GFRA2: variants seen among roughly 807,000 people sequenced by gnomAD.
The protein encoded by GFRA2 is GDNF family receptor alpha 2.
Under a neutral mutation model 48.3 loss-of-function variants are expected in GFRA2, and 17 were observed. That is an observed-to-expected ratio of 0.35 (90% confidence interval 0.24 to 0.53). The LOEUF is 0.53. Ranked by LOEUF, GFRA2 falls within the 20% of genes least tolerant of loss-of-function variation. The pLI is 0.93. For missense variants in GFRA2, 660 were observed against 637.3 expected (o/e 1.04, Z -0.38); for synonymous variants, 305 against 257.2 (o/e 1.19, Z -1.78).
At chr8:21,795,245 T>C (rs944692003) in intron 2 of GFRA2, among the ~76,000 whole-genome samples, 1 of 152,190 alleles carries the variant, frequency 6.6e-6, no homozygotes. Flanking sequence ...TTCCCGGCTG[T>C]ACAAAGCATC....
At position 21,691,677 on chromosome 8, in the gene GFRA2, G is replaced by T. The variant is rs1801887432; in HGVS notation, c.*1601C>A. ...TCCCAACGTGTGATGCCAAGCTGTGGCTCCCCACCACGTCCACGTCCACTG... is the reference window on the plus strand; with the variant it reads ...TCCCAACGTGTGATGCCAAGCTGTGTCTCCCCACCACGTCCACGTCCACTG... On this transcript the variant is annotated 3_prime_UTR_variant, in exon 9 of 9. Coordinates refer to ENST00000524240, the MANE Select transcript of GFRA2 (RefSeq NM_001495.5). 6.6e-6 allele frequency: 1 copy of T among 152,228 alleles called. No individual in the cohort carries two copies. Among genetic ancestry groups the T allele is most frequent in the African/African-American group, 2.4e-5 (1 of 41,444 alleles). 9.4% of individuals were successfully genotyped at this position (152,228 alleles called of 1,614,324 possible).
upstream of GFRA2, chr8:21,789,253 C>G (rs1460687889): frequency 6.5e-6 from 1 of 153,672 alleles, no homozygotes; most frequent in Admixed American, 6.5e-5. Flanking sequence ...CCGGCTACGG[C>G]TCGGGCTCGA....
chr8:21,759,765 T>A (rs58887006), intron 3 of GFRA2, among the ~76,000 whole-genome samples: 7,128 of 151,534 alleles, frequency 0.047, 249 homozygotes, highest in African/African-American at 0.09. Context: ...GGCATGTGCC[T>A]GTAATCCCAG....
intron 4 of GFRA2, among the ~76,000 whole-genome samples, chr8:21,714,293 C>T (rs1159698628): frequency 8.0e-6 from 1 of 125,100 alleles, no homozygotes; most frequent in Non-Finnish European, 1.6e-5. Flanking sequence ...ACTCTGTCGC[C>T]AAGGCTGGGC....
intron 2 of GFRA2, among the ~76,000 whole-genome samples, chr8:21,780,260 C>A (rs2117731720): frequency 6.6e-6 from 1 of 152,174 alleles, no homozygotes; most frequent in East Asian, 1.9e-4. Context: ...GCACGGGGAG[C>A]ATGGCTAATC....
chr8:21,756,100 C>A (rs1260793824), intron 3 of GFRA2, among the ~76,000 whole-genome samples: 3 of 152,186 alleles, frequency 2.0e-5, no homozygotes, highest in Admixed American at 6.5e-5. Flanking sequence ...CAACTGCAAG[C>A]GGAACAGCAG....
chr8:21,764,155 G>A (rs571050332), intron 3 of GFRA2, among the ~76,000 whole-genome samples: 22 of 152,270 alleles, frequency 1.4e-4, no homozygotes, highest in East Asian at 1.9e-4. Context: ...ACTGAGTGGC[G>A]TATAAATAAA....
intron 3 of GFRA2, among the ~76,000 whole-genome samples, chr8:21,772,854 G>A (rs1456067745): frequency 6.6e-6 from 1 of 152,244 alleles, no homozygotes; most frequent in African/African-American, 2.4e-5. Context: ...GGGAGCAGAA[G>A]GGGCTTGGGC....
chr8:21,695,432 A>G (rs998659837), intron 7 of GFRA2, among the ~76,000 whole-genome samples: 3 of 152,194 alleles, frequency 2.0e-5, no homozygotes, highest in African/African-American at 7.2e-5. Context: ...AGAAGTATCA[A>G]TAACCCCTTG....
chr8:21,723,717 G>A (rs1415591934), intron 4 of GFRA2, among the ~76,000 whole-genome samples: 1 of 152,190 alleles, frequency 6.6e-6, no homozygotes, highest in Non-Finnish European at 1.5e-5. Context: ...TTTGCAGCAA[G>A]AGGGAGGTCG....
rs1256092073 is a variant in GFRA2, at chr8:21,778,437, A to G, written c.356-3382T>C. On this transcript the variant is annotated intron_variant, in intron 2 of 8. Transcript: ENST00000524240. ...AGTCTTCTATGGAAGGAAAAAAGTA[A>G]GGGTGTATTTTCTAGGCAGGGCCCA... 2.6e-5 allele frequency among the ~76,000 whole-genome samples: 4 copies of G among 152,320 alleles called. No individual in the cohort carries two copies. In the East Asian group the frequency reaches 7.7e-4, roughly 29 times the overall value.
At chr8:21,790,867 T>A (rs1807559888), upstream of GFRA2, among the ~76,000 whole-genome samples, 1 of 152,118 alleles carries the variant, frequency 6.6e-6, no homozygotes, top group Non-Finnish European at 1.5e-5. Flanking sequence ...TTTGGATAAG[T>A]GTAGGTTAAA....
At chr8:21,697,781 G>T (rs1249278007) in intron 7 of GFRA2, among the ~76,000 whole-genome samples, 2 of 152,152 alleles carry the variant, frequency 1.3e-5, no homozygotes, top group Non-Finnish European at 2.9e-5. Flanking sequence ...CTTCCATGCT[G>T]TTCTCGTGGT....
chr8:21,699,514 T>C (rs1199076793), intron 7 of GFRA2, among the ~76,000 whole-genome samples: 3 of 152,136 alleles, frequency 2.0e-5, no homozygotes, highest in Non-Finnish European at 4.4e-5. Context: ...ATTGGCATTC[T>C]GGGCCCAGAG....
chr8:21,773,664 T>C (rs1806548542), intron 3 of GFRA2, among the ~76,000 whole-genome samples: 1 of 152,220 alleles, frequency 6.6e-6, no homozygotes, highest in Non-Finnish European at 1.5e-5. Flanking sequence ...TTAGGAAGAA[T>C]TATTTTTTCT....
intron 2 of GFRA2, among the ~76,000 whole-genome samples, chr8:21,776,428 G>A (rs995819646): frequency 2.7e-5 from 4 of 150,670 alleles, no homozygotes; most frequent in African/African-American, 7.3e-5. Flanking sequence ...CACAGCAGGT[G>A]CCCAGCTGGA....
upstream of GFRA2, chr8:21,790,142 G>C: frequency 1.0e-6 from 1 of 974,000 alleles, no homozygotes; most frequent in Non-Finnish European, 1.2e-6. Context: ...GCTGGGAAAG[G>C]GCTGGAGGAG....
In GFRA2 at chr8:21,750,071, ATGTGTGTG is replaced by A. The variant is rs148033575; in HGVS notation, c.794+509_794+516del. On this transcript the variant is annotated intron_variant, in intron 4 of 8. Transcript: ENST00000524240. This position sits in a 1 kb window ranked among gnomAD's most constrained non-coding sequence, Gnocchi z 5.7. ...TATGTAAGTATATATATGTGTATAT[ATGTGTGTG>A]TGTGTGTATACACACACACACACAC... is the stretch of plus-strand genomic sequence containing the variant. Among the ~76,000 whole-genome samples, 1 of 149,840 alleles carries A rather than the reference ATGTGTGTG, an allele frequency of 6.7e-6. No individual in the cohort carries two copies. Among genetic ancestry groups the A allele is most frequent in the East Asian group, 2.0e-4 (1 of 5,082 alleles).
intron 6 of GFRA2, among the ~76,000 whole-genome samples, chr8:21,703,370 C>A (rs556757911): frequency 6.6e-6 from 1 of 152,200 alleles, no homozygotes; most frequent in South Asian, 2.1e-4. Context: ...TAGTCACAGG[C>A]TCTTCCGGCC....
Sources: allele counts gnomAD v4.1 joint callset (sites outside exome capture counted in the v4.1 genomes callset), GRCh38; gene constraint gnomAD v4.1.1; non-coding constraint Gnocchi (gnomAD v3.1); transcripts MANE v1.5; gene names NCBI Gene and HGNC (gene_info 2026-07-23, HGNC 2026-07-21).